ANKFN1: variants seen among roughly 807,000 people sequenced by gnomAD.
ANKFN1 encodes ankyrin repeat and fibronectin type III domain containing 1.
Under a neutral mutation model 108.7 loss-of-function variants are expected in ANKFN1, and 74 were observed. The ratio of observed to expected loss-of-function variants is 0.68; its 90% confidence interval spans 0.56 to 0.83. The LOEUF (loss-of-function observed/expected upper bound fraction) is 0.83. ANKFN1 is among the 40% of genes least tolerant of loss of function. ANKFN1 has a pLI of 0.00. For missense variants in ANKFN1, 1,505 were observed against 1,382.3 expected (o/e 1.09, Z -1.41); for synonymous variants, 547 against 516.2 (o/e 1.06, Z -0.81).
chr17:56,376,470 A>C (rs879781032), intron 8 of ANKFN1, among the ~76,000 whole-genome samples: 2 of 152,326 alleles, frequency 1.3e-5, no homozygotes, highest in Admixed American at 6.5e-5. Flanking sequence ...GCCAAGACTG[A>C]AATTCAGAGC....
chr17:56,226,742 T>C (rs1043716404), intron 2 of ANKFN1, among the ~76,000 whole-genome samples: 6 of 152,162 alleles, frequency 3.9e-5, no homozygotes, highest in Admixed American at 3.3e-4. Context: ...GAGAGAGTGC[T>C]GGAGAGAGGA....
chr17:56,484,566 C>T (rs1192861084), intron 18 of ANKFN1, among the ~76,000 whole-genome samples: 1 of 152,118 alleles, frequency 6.6e-6, no homozygotes, highest in African/African-American at 2.4e-5. Flanking sequence ...ATGCTTTTAG[C>T]TTTGAATATG....
intron 1 of ANKFN1, among the ~76,000 whole-genome samples, chr17:56,197,066 A>T (rs536925531): frequency 1.2e-4 from 18 of 152,250 alleles, no homozygotes; most frequent in Admixed American, 4.6e-4. Flanking sequence ...TTTGTCTCCC[A>T]GGAAAACCAT....
chr17:56,470,648 G>A (rs1391523812), intron 15 of ANKFN1, among the ~76,000 whole-genome samples: 7 of 152,212 alleles, frequency 4.6e-5, no homozygotes, highest in South Asian at 4.1e-4. Context: ...GATCCACGAC[G>A]GGGTTTTCAA....
chr17:56,131,507 T>G (rs1907282131), intron 4 of ANKFN1, among the ~76,000 whole-genome samples: 1 of 152,236 alleles, frequency 6.6e-6, no homozygotes, highest in Non-Finnish European at 1.5e-5. Flanking sequence ...CTAATTTGTA[T>G]CTCTTTTTAC....
At chr17:56,402,144 C>T (rs2047782809) in intron 8 of ANKFN1, among the ~76,000 whole-genome samples, 1 of 151,998 alleles carries the variant, frequency 6.6e-6, no homozygotes, top group African/African-American at 2.4e-5. Flanking sequence ...GGATATCAGT[C>T]TGTAGTTTTC....
chr17:56,139,194 A>G (rs975688901), intron 4 of ANKFN1, among the ~76,000 whole-genome samples: 2 of 152,230 alleles, frequency 1.3e-5, no homozygotes, highest in Non-Finnish European at 2.9e-5. Flanking sequence ...ATTAAATTGT[A>G]GGCTAAAAAA....
At chr17:56,362,153 C>T (rs565654204) in intron 6 of ANKFN1, among the ~76,000 whole-genome samples, 1 of 152,140 alleles carries the variant, frequency 6.6e-6, no homozygotes, top group South Asian at 2.1e-4. Flanking sequence ...TATCACATTA[C>T]CTGGCCAATT....
chr17:56,110,527 G>A (rs1041736437), intron 4 of ANKFN1, among the ~76,000 whole-genome samples: 11 of 152,074 alleles, frequency 7.2e-5, no homozygotes, highest in Admixed American at 3.3e-4. Context: ...TCTTTTGCTC[G>A]CCTTATAACC....
rs538245926 is a variant in ANKFN1, at chr17:56,377,091, C to A, written c.910+2377C>A. On this transcript the variant is annotated intron_variant, in intron 8 of 20. Transcript: ENST00000682825. ...TAATTGGTTAGAGGGAAAGTTTACCCCTGCAGCATTTAGGGTTTGGCAAAA... is the reference window on the plus strand; with the variant it reads ...TAATTGGTTAGAGGGAAAGTTTACCACTGCAGCATTTAGGGTTTGGCAAAA... 2.0e-5 allele frequency among the ~76,000 whole-genome samples: 3 copies of A among 152,248 alleles called. No homozygotes were observed. The South Asian group carries it at 6.2e-4, about 32-fold the overall frequency.
chr17:56,261,395 G>A (rs974342277), intron 3 of ANKFN1, among the ~76,000 whole-genome samples: 21 of 152,140 alleles, frequency 1.4e-4, no homozygotes, highest in African/African-American at 5.1e-4. Flanking sequence ...GAGTGTTTCT[G>A]ACATTGTATT....
At chr17:56,282,544 G>A (rs1387759576) in intron 3 of ANKFN1, among the ~76,000 whole-genome samples, 1 of 152,142 alleles carries the variant, frequency 6.6e-6, no homozygotes, top group Non-Finnish European at 1.5e-5. Flanking sequence ...AATTTTTGAA[G>A]TCTCTCATGA....
chr17:56,152,262 A>ATGTG (rs200366444), upstream of ANKFN1, among the ~76,000 whole-genome samples: 114 of 77,826 alleles, frequency 1.5e-3, no homozygotes, highest in East Asian at 3.6e-3. Context: ...ATATATATAT[A>ATGTG]TGTGTGTGTG....
intron 8 of ANKFN1, among the ~76,000 whole-genome samples, chr17:56,376,576 C>A (rs980471976): frequency 1.3e-5 from 2 of 152,176 alleles, no homozygotes; most frequent in Non-Finnish European, 2.9e-5. Context: ...GTGCTGCCCA[C>A]CTTGACATTT....
intron 3 of ANKFN1, among the ~76,000 whole-genome samples, chr17:56,318,886 A>G (rs1349871784): frequency 1.3e-5 from 2 of 152,164 alleles, no homozygotes; most frequent in South Asian, 2.1e-4. Context: ...TAGCATAAAG[A>G]TAGGTCAAAG....
chr17:56,356,349 C>T (rs1171019370), intron 6 of ANKFN1, among the ~76,000 whole-genome samples: 1 of 152,158 alleles, frequency 6.6e-6, no homozygotes, highest in Non-Finnish European at 1.5e-5. Flanking sequence ...AAAAAGTAAA[C>T]TCATCAAACT....
intron 4 of ANKFN1, among the ~76,000 whole-genome samples, chr17:56,341,735 A>C (rs2045964211): frequency 6.6e-6 from 1 of 151,842 alleles, no homozygotes; most frequent in African/African-American, 2.4e-5. Context: ...TTTTTGCATC[A>C]ATGTTCTTCC....
intron 19 of ANKFN1, among the ~76,000 whole-genome samples, chr17:56,498,488 G>A (rs752822369): frequency 5.3e-5 from 8 of 152,222 alleles, no homozygotes; most frequent in African/African-American, 7.2e-5. Flanking sequence ...AAGCACTTTC[G>A]AATTCATTAT....
intron 1 of ANKFN1, among the ~76,000 whole-genome samples, chr17:56,154,361 C>A (rs1470974566): frequency 6.6e-6 from 1 of 151,996 alleles, no homozygotes; most frequent in East Asian, 1.9e-4. Context: ...GAGGACCTTA[C>A]CAAAAAGCTT....
Sources: gnomAD v4.1 joint callset for allele counts (sites outside exome capture counted in the v4.1 genomes callset) on GRCh38, gnomAD v4.1.1 for gene constraint, MANE v1.5 for transcripts, NCBI Gene and HGNC (gene_info 2026-07-23, HGNC 2026-07-21) for gene names.